The following DEFB104A variants were observed in gnomAD, a reference collection of about 807,000 sequenced individuals.
DEFB104A encodes the protein beta-defensin 104.
chr8:7,837,756 C>T (rs1354598981), intron 1 of DEFB104A, among the ~76,000 whole-genome samples: 1 of 140,342 alleles, frequency 7.1e-6, no homozygotes, highest in Non-Finnish European at 1.5e-5. Flanking sequence ...CTGTCCTCTG[C>T]AGTTGAATTC....
intron 1 of DEFB104A, among the ~76,000 whole-genome samples, 176 bp downstream of exon 1, chr8:7,836,718 T>C (rs1817657381): frequency 6.8e-6 from 1 of 146,664 alleles, no homozygotes; most frequent in South Asian, 2.2e-4. Flanking sequence ...GTGGCAGTCC[T>C]TGTATGCACC....
chr8:7,836,815 C>A (rs1219267539), intron 1 of DEFB104A, among the ~76,000 whole-genome samples: 1 of 143,030 alleles, frequency 7.0e-6, no homozygotes. Context: ...CCTGGCCACA[C>A]ACGGTAACAA....
rs773052462 is a variant in DEFB104A, at chr8:7,838,948, A to T, written c.59-2086A>T. 2.8e-5 allele frequency among the ~76,000 whole-genome samples: 4 copies of T among 142,068 alleles called. No individual in the cohort carries two copies. In the Middle Eastern group the frequency reaches 0.015, roughly 522 times the overall value. The allele number at this position is 142,068 out of a possible 152,430, so 93.2% of individuals were successfully genotyped here. A position where few individuals can be genotyped will look rare whatever the true frequency, so the allele number is the denominator to read the frequency against. On this transcript the variant is annotated intron_variant, in intron 1 of 1. Transcript: ENST00000314265. The stretch of plus-strand genomic sequence containing the variant: ...GAGGAAAATTGCTTATGCAAGAAAG[A>T]AACTAGTGTAGTGTAGTCTACCCTG...
At chr8:7,838,859 T>G (rs1458786981) in intron 1 of DEFB104A, among the ~76,000 whole-genome samples, 1 of 140,834 alleles carries the variant, frequency 7.1e-6, no homozygotes, top group African/African-American at 2.5e-5. Flanking sequence ...CTTGACAAAA[T>G]AAACTTTCTA....
intron 1 of DEFB104A, among the ~76,000 whole-genome samples, chr8:7,839,602 G>C (rs1817719613): frequency 2.6e-5 from 2 of 77,372 alleles, no homozygotes; most frequent in South Asian, 1.3e-3. Flanking sequence ...AAAGAACCTT[G>C]ATACCTAAGC....
intron 1 of DEFB104A, among the ~76,000 whole-genome samples, chr8:7,839,339 A>G (rs113419186): frequency 2.1e-5 from 3 of 145,352 alleles, no homozygotes; most frequent in South Asian, 4.5e-4. Flanking sequence ...TGCCACAGAT[A>G]TGTCAGAAGG....
intron 1 of DEFB104A, among the ~76,000 whole-genome samples, chr8:7,837,097 C>T (rs1161231795): frequency 7.1e-6 from 1 of 140,934 alleles, no homozygotes; most frequent in African/African-American, 2.7e-5. Context: ...TAGCAGGTGC[C>T]TTTGAACTCT....
chr8:7,840,046 A>C (rs1817729003), intron 1 of DEFB104A, among the ~76,000 whole-genome samples: 2 of 152,270 alleles, frequency 1.3e-5, no homozygotes, highest in South Asian at 4.1e-4. Context: ...TGAGACTGAG[A>C]AGCTAAATCC....
At chr8:7,837,136 G>C (rs1817665499) in intron 1 of DEFB104A, among the ~76,000 whole-genome samples, 1 of 140,568 alleles carries the variant, frequency 7.1e-6, no homozygotes, top group Non-Finnish European at 1.5e-5. Flanking sequence ...TGAGATGTCA[G>C]CAATCTTCTG....
chr8:7,836,839 C>T (rs1343124876), intron 1 of DEFB104A, among the ~76,000 whole-genome samples: 8 of 141,966 alleles, frequency 5.6e-5, no homozygotes, highest in African/African-American at 2.1e-4. Context: ...CTCATGGAAT[C>T]CTCAGCAATG....
chr8:7,837,667 G>A (rs1349492808), intron 1 of DEFB104A, among the ~76,000 whole-genome samples: 2 of 143,926 alleles, frequency 1.4e-5, no homozygotes, highest in African/African-American at 2.7e-5. Flanking sequence ...CCTGGGTCAG[G>A]GATCCCTCCA....
At chr8:7,837,480 G>C (rs556280212) in intron 1 of DEFB104A, among the ~76,000 whole-genome samples, 2 of 142,196 alleles carry the variant, frequency 1.4e-5, no homozygotes, top group South Asian at 2.4e-4. Flanking sequence ...TTTTTTCAGA[G>C]GGTACCTGTT....
Position 7,837,030 on chromosome 8 carries a change from G to A in DEFB104A, c.58+488G>A, listed in dbSNP as rs148668701. The stretch of plus-strand genomic sequence containing the variant: ...TTTCATATCAAGTCAGATGATTAGG[G>A]TTAAAGGGGATGCAGTGATTTCAGT... On this transcript the variant is annotated intron_variant, in intron 1 of 1. Coordinates refer to ENST00000314265, the MANE Select transcript of DEFB104A (RefSeq NM_080389.3). 0.017 allele frequency among the ~76,000 whole-genome samples: 2,243 copies of A among 134,260 alleles called. 178 individuals carry two copies. The East Asian group carries it at 0.25, about 15-fold the overall frequency. The allele number at this position is 134,260 out of a possible 152,430, so 88.1% of individuals were successfully genotyped here.
chr8:7,836,739 G>A (rs572456838), intron 1 of DEFB104A, among the ~76,000 whole-genome samples, 197 bp downstream of exon 1: 2 of 146,208 alleles, frequency 1.4e-5, no homozygotes, highest in African/African-American at 2.6e-5. Context: ...TTACAGCCAC[G>A]AGGCTTACTA....
At chr8:7,837,111 C>T (rs1817665003) in intron 1 of DEFB104A, among the ~76,000 whole-genome samples, 1 of 140,858 alleles carries the variant, frequency 7.1e-6, no homozygotes, top group Non-Finnish European at 1.5e-5. Context: ...GAACTCTGCT[C>T]AGGAAATTTT....
At chr8:7,836,989 C>T (rs1234378613) in intron 1 of DEFB104A, among the ~76,000 whole-genome samples, 2 of 142,682 alleles carry the variant, frequency 1.4e-5, no homozygotes, top group African/African-American at 5.2e-5. Context: ...TACTCATCCT[C>T]CTAAATTTTG....
At chr8:7,838,387 C>T (rs1313406054) in intron 1 of DEFB104A, among the ~76,000 whole-genome samples, 16 of 120,854 alleles carry the variant, frequency 1.3e-4, no homozygotes, top group Admixed American at 8.4e-4. Flanking sequence ...TGGACCAAAC[C>T]AATGTAAATC....
intron 1 of DEFB104A, among the ~76,000 whole-genome samples, chr8:7,837,353 C>A (rs373188159): frequency 2.1e-5 from 3 of 139,818 alleles, no homozygotes; most frequent in Non-Finnish European, 4.6e-5. Context: ...TAGAAGCCAT[C>A]GGATCTTCTC....
intron 1 of DEFB104A, among the ~76,000 whole-genome samples, chr8:7,837,667 G>T (rs1349492808): frequency 7.0e-6 from 1 of 143,830 alleles, no homozygotes; most frequent in Non-Finnish European, 1.5e-5. Flanking sequence ...CCTGGGTCAG[G>T]GATCCCTCCA....
Sources: allele counts gnomAD v4.1 joint callset (sites outside exome capture counted in the v4.1 genomes callset), GRCh38; gene constraint gnomAD v4.1.1; transcripts MANE v1.5; gene names NCBI Gene and HGNC (gene_info 2026-07-23, HGNC 2026-07-21).